Variants in PMF1 observed in about 807,000 individuals in gnomAD.
PMF1 encodes the protein polyamine modulated factor 1, also known as polyamine-modulated factor 1.
Under a neutral mutation model 26.7 loss-of-function variants are expected in PMF1, and 21 were observed. The observed-to-expected ratio is 0.79, with a 90% CI of 0.56 to 1.13. PMF1 has a LOEUF of 1.13. PMF1 is among the 50% of genes most tolerant of loss of function. PMF1 has a pLI of 0.00. For missense variants in PMF1, 266 were observed against 254.9 expected (o/e 1.04, Z -0.30); for synonymous variants, 105 against 101.0 (o/e 1.04, Z -0.24).
rs1052053 is a variant in PMF1, at chr1:156,232,382, A to C, written c.224A>C (p.Gln75Pro). 728 of 1,613,874 alleles carry C rather than the reference A, an allele frequency of 4.5e-4. 16 individuals carry two copies. The South Asian group carries it at 7.6e-3, about 17-fold the overall frequency. Residue 75 changes from glutamine (Q) to proline (P), a missense_variant, in exon 2 of 5, where the codon CAA (glutamine) becomes CCA (proline). Physicochemically the swap from Gln to Pro is moderately conservative, Grantham distance 76. Transcript: ENST00000368277. Reference protein sequence around the residue: ...FYQLQPAMTQQIYDKFIAQLQ... With the variant: ...FYQLQPAMTQPIYDKFIAQLQ... ...CAGTTGCAGCCTGCGATGACACAGC[A>C]AATCTATGACAAGTTTATAGCTCAG...
chr1:156,227,329 C>T (rs1330867000), intron 1 of PMF1, among the ~76,000 whole-genome samples: 1 of 151,656 alleles, frequency 6.6e-6, no homozygotes, highest in Non-Finnish European at 1.5e-5. Context: ...CATGGTGAAA[C>T]CCTGTCTTTA....
chr1:156,213,280 T>A, intron 1 of PMF1, 104 bp downstream of exon 1: 1 of 1,517,490 alleles, frequency 6.6e-7, no homozygotes, highest in Non-Finnish European at 8.9e-7. Flanking sequence ...TGGGTCCGCG[T>A]TGGGGGCGGG....
intron 2 of PMF1, 112 bp from the exon 3 acceptor site, chr1:156,233,516 A>C: frequency 2.0e-6 from 2 of 1,013,196 alleles, no homozygotes; most frequent in Non-Finnish European, 2.9e-6. Flanking sequence ...GAAAGCATAA[A>C]GACCTAGAAC....
At chr1:156,216,884 C>A (rs1657780975) in intron 1 of PMF1, among the ~76,000 whole-genome samples, 2 of 152,076 alleles carry the variant, frequency 1.3e-5, no homozygotes, top group African/African-American at 4.8e-5. Context: ...ACATATACAC[C>A]ATGGAATACT....
rs754182108 is a variant in PMF1 at position 156,236,472 on chromosome 1, C to T, written c.553C>T (p.Gln185Ter). The change falls in exon 4 of 5, where the codon CAG becomes TAG. Residue 185 changes from glutamine to a stop codon, truncating the protein, a stop_gained. Coordinates refer to ENST00000368277, the MANE Select transcript of PMF1 (RefSeq NM_007221.4). LOFTEE classifies it high-confidence loss of function. Reference sequence around the variant, plus strand: ...GCAGCTACAGGTCCAGGCCCAGCAGCAGGCCTGGCAGGTCAGTGTCCCAGC... The same window carrying T: ...GCAGCTACAGGTCCAGGCCCAGCAGTAGGCCTGGCAGGTCAGTGTCCCAGC... Reference protein sequence around the residue: ...ELQLQVQAQQQAWQALHREQR... With the variant: ...ELQLQVQAQQ 6.2e-7 allele frequency: 1 copy of T among 1,609,672 alleles called. No homozygotes were observed. Among genetic ancestry groups the T allele is most frequent in the Non-Finnish European group, 8.5e-7 (1 of 1,177,822 alleles).
At position 156,213,035 on chromosome 1, in the gene PMF1, C is replaced by T. The variant is rs1657455505; in HGVS notation, c.20C>T (p.Ala7Val). 3 of 1,614,050 alleles carry T rather than the reference C, an allele frequency of 1.9e-6. No homozygotes were observed. Among genetic ancestry groups the T allele is most frequent in the Non-Finnish European group, 1.7e-6 (2 of 1,180,008 alleles). The change falls in exon 1 of 5, where the codon GCC becomes GTC. Residue 7 changes from alanine to valine, a missense_variant. Ala to Val is a moderately conservative substitution (Grantham distance 64). Transcript: ENST00000368277. The part of the protein sequence containing the change: MAEASS[A>V]NLGSGCEEKR... Reference sequence around the variant, plus strand: ...TTCAACATGGCCGAAGCAAGTAGCGCCAATCTAGGCAGCGGCTGTGAGGAA... The same window carrying T: ...TTCAACATGGCCGAAGCAAGTAGCGTCAATCTAGGCAGCGGCTGTGAGGAA...
At chr1:156,213,326 CT>C in intron 1 of PMF1, 150 bp downstream of exon 1, 3 of 1,230,724 alleles carry the variant, frequency 2.4e-6, no homozygotes, top group Non-Finnish European at 3.3e-6. Flanking sequence ...AATCCTGAGC[CT>C]TAGGAGTCAG....
At chr1:156,222,377 T>C (rs1282876063) in intron 1 of PMF1, among the ~76,000 whole-genome samples, 1 of 143,350 alleles carries the variant, frequency 7.0e-6, no homozygotes, top group Non-Finnish European at 1.5e-5. Flanking sequence ...CATATATGAA[T>C]ACATACTTTT....
intron 1 of PMF1, among the ~76,000 whole-genome samples, chr1:156,213,690 C>T (rs1233878902): frequency 6.6e-6 from 1 of 152,112 alleles, no homozygotes; most frequent in African/African-American, 2.4e-5. Flanking sequence ...CCCCCTCTCC[C>T]TCGTCGGCTT....
At chr1:156,233,091 A>C (rs1658813164) in intron 2 of PMF1, among the ~76,000 whole-genome samples, 1 of 151,600 alleles carries the variant, frequency 6.6e-6, no homozygotes, top group Admixed American at 6.6e-5. Flanking sequence ...AGCTAAAAAG[A>C]TTTTTTAAAT....
intron 4 of PMF1, chr1:156,237,009 A>G (rs1314944154): frequency 1.9e-5 from 3 of 155,312 alleles, no homozygotes; most frequent in African/African-American, 7.2e-5. Context: ...AAGTCAGGGT[A>G]TTTGAGGTGT....
At chr1:156,221,789 T>C (rs1008366555) in intron 1 of PMF1, among the ~76,000 whole-genome samples, 3 of 152,186 alleles carry the variant, frequency 2.0e-5, no homozygotes, top group Admixed American at 6.5e-5. Context: ...TTGAAGGAAT[T>C]ACCACTATCC....
In PMF1 at chr1:156,233,625, C is replaced by G. The variant is rs1375931687; in HGVS notation, c.268-3C>G. On this transcript the variant is annotated splice_polypyrimidine_tract_variant and splice_region_variant and intron_variant, in intron 2 of 4. Transcript: ENST00000368277. ...TTACAGCTCTTTCCTCCTTTCTCTT[C>G]AGGAGGAAATCTCTGACATCAAAGA... 8 of 1,613,102 alleles carry G rather than the reference C, an allele frequency of 5.0e-6. No individual in the cohort carries two copies. Among genetic ancestry groups the G allele is most frequent in the Non-Finnish European group, 6.8e-6 (8 of 1,179,428 alleles).
chr1:156,225,829 A>C (rs1199886891), intron 1 of PMF1, among the ~76,000 whole-genome samples: 1 of 152,112 alleles, frequency 6.6e-6, no homozygotes, highest in Admixed American at 6.6e-5. Context: ...AAATATTTTG[A>C]AGTCAAATTT....
chr1:156,237,612 A>T (rs1394672014), intron 4 of PMF1, among the ~76,000 whole-genome samples: 4 of 147,104 alleles, frequency 2.7e-5, no homozygotes, highest in African/African-American at 1.1e-4. Flanking sequence ...ACACCCAGCT[A>T]AATTTTGTAT....
At chr1:156,220,003 G>T (rs188856066) in intron 1 of PMF1, among the ~76,000 whole-genome samples, 1,780 of 148,382 alleles carry the variant, frequency 0.012, 43 homozygotes, top group African/African-American at 0.043. Flanking sequence ...TGGCTCTGTT[G>T]CCCAGGCTGG....
chr1:156,229,171 G>A (rs751378579), intron 1 of PMF1, among the ~76,000 whole-genome samples: 3 of 152,118 alleles, frequency 2.0e-5, no homozygotes, highest in Non-Finnish European at 4.4e-5. Flanking sequence ...GCCTCCCAAA[G>A]TGCTAGGAAT....
intron 1 of PMF1, among the ~76,000 whole-genome samples, chr1:156,229,601 G>T (rs1157595813): frequency 6.6e-6 from 1 of 150,450 alleles, no homozygotes; most frequent in Non-Finnish European, 1.5e-5. Flanking sequence ...ATGGAGTGTC[G>T]CTCTTGTTGC....
At chr1:156,218,028 C>A (rs191611198) in intron 1 of PMF1, among the ~76,000 whole-genome samples, 1 of 152,200 alleles carries the variant, frequency 6.6e-6, no homozygotes, top group Non-Finnish European at 1.5e-5. Flanking sequence ...ACCTTCTCAC[C>A]GTCACTGGGT....
Sources: gnomAD v4.1 joint callset for allele counts (sites outside exome capture counted in the v4.1 genomes callset) on GRCh38, gnomAD v4.1.1 for gene constraint, MANE v1.5 for transcripts, NCBI Gene and HGNC (gene_info 2026-07-23, HGNC 2026-07-21) for gene names.